Variants in ZNF433 observed in about 807,000 individuals in gnomAD.
The protein encoded by ZNF433 is zinc finger protein 433.
ZNF433 carries 12 observed loss-of-function variants against 10.6 expected under a neutral mutation model. The ratio of observed to expected loss-of-function variants is 1.13; its 90% CI spans 0.72 to 1.83. The LOEUF (loss-of-function observed/expected upper bound fraction) is 1.83. Ranked by LOEUF, ZNF433 falls within the 40% of genes most tolerant of loss-of-function variation. The pLI, the probability that ZNF433 is intolerant of heterozygous loss-of-function variation, is 0.00. For missense variants in ZNF433, 737 were observed against 798.0 expected (o/e 0.92, Z 0.92); for synonymous variants, 272 against 271.3 (o/e 1.00, Z -0.02).
intron 1 of ZNF433, chr19:12,023,704 T>C (rs1018208122): frequency 6.6e-5 from 10 of 152,172 alleles, no homozygotes; most frequent in Non-Finnish European, 2.9e-5. Flanking sequence ...CCCTGAAGTA[T>C]ATCAAAGAAT....
intron 1 of ZNF433, chr19:12,026,876 A>G (rs1337351673): frequency 1.3e-5 from 6 of 453,890 alleles, no homozygotes; most frequent in Non-Finnish European, 2.2e-5. Context: ...GGTAGAAATG[A>G]TAAGAAGTAT....
intron 1 of ZNF433, chr19:12,024,110 T>C (rs573703960): frequency 1.3e-5 from 2 of 152,254 alleles, no homozygotes; most frequent in Admixed American, 6.5e-5. Context: ...ACTGAACAAT[T>C]AGAAAAAGGA....
chr19:12,015,319 G>T lies in ZNF433; in HGVS notation c.1539C>A (p.Asn513Lys), dbSNP rs368007387. Residue 513 changes from asparagine (N) to lysine (K), a missense_variant, in exon 4 of 4, where the codon AAC becomes AAA. Coordinates refer to ENST00000550507, the MANE Select transcript of ZNF433 (RefSeq NM_001308348.2). ...CATGATATCGAAAGGAGCTCGAACA[G>T]TTGAAGGATCTGCCACACTGCTTGC... ...YECKQCGRSF[N>K]CSSSFRYHGR... 8.1e-6 allele frequency: 13 copies of T among 1,611,070 alleles called. No individual in the cohort carries two copies. In the African/African-American group the frequency reaches 1.8e-4, roughly 22 times the overall value.
rs754169449 is a variant in ZNF433 at position 12,018,359 on chromosome 19, T to C, written c.4-67A>G. The C allele has an allele frequency of 5.9e-6, 9 of 1,533,074 alleles. No homozygotes were observed. The South Asian group carries it at 1.2e-4, about 20-fold the overall frequency. The allele number at this position is 1,533,074 out of a possible 1,614,324, so 95.0% of individuals were successfully genotyped here. A position where few individuals can be genotyped will look rare whatever the true frequency, so the allele number is the denominator to read the frequency against. The stretch of plus-strand genomic sequence containing the variant: ...ACATCACTGGGAAGCCTATACTCTA[T>C]TCCCAAGAGGTTTCCATGATGCTGT... On this transcript the variant is annotated intron_variant, in intron 1 of 3. Coordinates refer to ENST00000550507, the MANE Select transcript of ZNF433 (RefSeq NM_001308348.2).
Position 12,018,106 on chromosome 19 carries a change from CAG to C in ZNF433, c.130+58_130+59del. ...TACATGAGCTAAAAATACTTGTTCT[CAG>C]AAAAAAAAAAAAACTTGTTGTCTCA... On this transcript the variant is annotated intron_variant, in intron 2 of 3. Transcript: ENST00000550507. The C allele has an allele frequency of 2.1e-6, 3 of 1,422,332 alleles. No individual in the cohort carries two copies. The South Asian group carries it at 4.6e-5, about 22-fold the overall frequency. 88.1% of individuals were successfully genotyped at this position (1,422,332 alleles called of 1,614,324 possible). A position where few individuals can be genotyped will look rare whatever the true frequency, so the allele number is the denominator to read the frequency against.
intron 1 of ZNF433, chr19:12,027,146 G>A (rs1256620334): frequency 2.2e-6 from 1 of 447,562 alleles, no homozygotes; most frequent in Non-Finnish European, 4.4e-6. Context: ...GCTTGAAGGA[G>A]CTGCAGATGG....
At position 12,031,308 on chromosome 19, in the gene ZNF433, AAACAAAAC is replaced by A. The variant is rs1416401231; in HGVS notation, c.3+4221_3+4228del. ...AGACTCCATCTCAAAAAAAAAAAAA[AAACAAAAC>A]AAAAAAAAAAACAAAGCAGCTGACC... On this transcript the variant is annotated intron_variant, in intron 1 of 3. Coordinates refer to ENST00000550507, the MANE Select transcript of ZNF433 (RefSeq NM_001308348.2). Among the ~76,000 whole-genome samples the A allele has an allele frequency of 3.3e-3, 434 of 129,662 alleles. 13 individuals are homozygous for A. The highest frequency in any genetic ancestry group is 0.019 in the African/African-American group (419 of 21,494). The allele number at this position is 129,662 out of a possible 152,430, so 85.1% of individuals were successfully genotyped here. A position where few individuals can be genotyped will look rare whatever the true frequency, so the allele number is the denominator to read the frequency against.
Position 12,017,914 on chromosome 19 carries a change from G to A in ZNF433, c.153C>T (p.Asn51=), listed in dbSNP as rs774418835. 1.5e-5 allele frequency: 24 copies of A among 1,587,208 alleles called. No homozygotes were observed. The highest frequency in any genetic ancestry group is 2.0e-5 in the Non-Finnish European group (23 of 1,172,580). ...TTAGATTTTCGTACTCTACATATAT[G>A]TTCTGGGGTTTCCATTTTTTCCCTA... is the stretch of plus-strand genomic sequence containing the variant. The part of the protein sequence containing the change: ...ASIGKKWKPQ[N]IYVEYENLRR... Residue 51 remains asparagine, a synonymous_variant, in exon 3 of 4, where the codon AAC becomes AAT. Coordinates refer to ENST00000550507, the MANE Select transcript of ZNF433 (RefSeq NM_001308348.2).
intron 1 of ZNF433, chr19:12,028,141 C>T (rs1974829439): frequency 6.6e-6 from 1 of 152,058 alleles, no homozygotes; most frequent in Non-Finnish European, 1.5e-5. Flanking sequence ...CACCTGGGCT[C>T]AAGTGATCCT....
At position 12,031,317 on chromosome 19, in the gene ZNF433, A is replaced by AAAC. The variant is rs1555713799; in HGVS notation, c.3+4219_3+4220insGTT. Among the ~76,000 whole-genome samples, 130 of 116,916 alleles carry AAAC rather than the reference A, an allele frequency of 1.1e-3. 1 individual carries two copies. The highest frequency in any genetic ancestry group is 4.7e-3 in the African/African-American group (82 of 17,592). 76.7% of individuals were successfully genotyped at this position (116,916 alleles called of 152,430 possible). A position where few individuals can be genotyped will look rare whatever the true frequency, so the allele number is the denominator to read the frequency against. On this transcript the variant is annotated intron_variant, in intron 1 of 3. Transcript: ENST00000550507. Reference sequence around the variant, plus strand: ...CTCAAAAAAAAAAAAAAAACAAAACAAAAAAAAAAACAAAGCAGCTGACCA... The same window carrying AAAC: ...CTCAAAAAAAAAAAAAAAACAAAACAAACAAAAAAAAAACAAAGCAGCTGACCA...
At position 12,014,837 on chromosome 19, in the gene ZNF433, G is replaced by A. The variant is rs763989599; in HGVS notation, c.*8C>T. The A allele has an allele frequency of 2.5e-5, 39 of 1,539,060 alleles. 1 individual carries two copies. In the South Asian group the frequency reaches 3.9e-4, roughly 15 times the overall value. On this transcript the variant is annotated 3_prime_UTR_variant, in exon 4 of 4. Transcript: ENST00000550507. ...AGTCCCCCCACCTCAGCCTCCTAAAGCCTGGGGTTATGGGGTGTCTATGCA... is the reference window on the plus strand; with the variant it reads ...AGTCCCCCCACCTCAGCCTCCTAAAACCTGGGGTTATGGGGTGTCTATGCA...
intron 1 of ZNF433, chr19:12,025,332 G>A (rs2145449268): frequency 6.6e-6 from 1 of 152,348 alleles, no homozygotes; most frequent in East Asian, 1.9e-4. Flanking sequence ...GCAAACAGCA[G>A]TTAGAAATAG....
chr19:12,034,694 A>G (rs961399182), intron 1 of ZNF433: 5 of 408,326 alleles, frequency 1.2e-5, no homozygotes, highest in Non-Finnish European at 2.5e-5. Flanking sequence ...CACTTAAGCA[A>G]TCCTTCCTAC....
intron 1 of ZNF433, chr19:12,027,318 T>A: frequency 3.1e-6 from 1 of 318,338 alleles, no homozygotes; most frequent in Non-Finnish European, 6.0e-6. Context: ...CCTTTGCTTT[T>A]ATTGTCTTGC....
intron 3 of ZNF433, 135 bp from the exon 4 acceptor site, chr19:12,016,801 T>G (rs1974228566): frequency 9.5e-6 from 12 of 1,260,054 alleles, no homozygotes; most frequent in Non-Finnish European, 1.3e-5. Context: ...TGGAGTGTAG[T>G]GGTGCGATCT....
chr19:12,029,834 C>A (rs1974921349), intron 1 of ZNF433, among the ~76,000 whole-genome samples: 1 of 151,894 alleles, frequency 6.6e-6, no homozygotes, highest in African/African-American at 2.4e-5. Flanking sequence ...GTAATCCCAG[C>A]ACTTTGGGAG....
chr19:12,035,212 C>T (rs1255641638), intron 1 of ZNF433, among the ~76,000 whole-genome samples: 4 of 152,222 alleles, frequency 2.6e-5, no homozygotes, highest in South Asian at 2.1e-4. Context: ...CAAACCCCCA[C>T]ACCCGAGGCG....
intron 1 of ZNF433, chr19:12,026,805 C>T (rs1165454158): frequency 4.4e-6 from 2 of 453,988 alleles, no homozygotes; most frequent in South Asian, 3.1e-5. Context: ...TTGAATTGCA[C>T]CTCTCAGTCT....
rs1232928371 is a variant in ZNF433, at chr19:12,015,535, G to GT, written c.1322dup (p.His441GlnfsTer10). The GT allele has an allele frequency of 2.5e-6, 4 of 1,613,956 alleles. No individual in the cohort carries two copies. The South Asian group carries it at 4.4e-5, about 18-fold the overall frequency. On this transcript the variant is annotated frameshift_variant, in exon 4 of 4. Coordinates refer to ENST00000550507, the MANE Select transcript of ZNF433 (RefSeq NM_001308348.2). LOFTEE classifies it low-confidence loss of function (END_TRUNC). ...TACATGCATAGGGTTTCTCTCCCGT[G>GT]TGAGTCCTACCATGTGTTTGAAGGA...
Sources: gnomAD v4.1 joint callset for allele counts (sites outside exome capture counted in the v4.1 genomes callset) on GRCh38, gnomAD v4.1.1 for gene constraint, MANE v1.5 for transcripts, NCBI Gene and HGNC (gene_info 2026-07-23, HGNC 2026-07-21) for gene names.